MATN2: variants seen among roughly 807,000 people sequenced by gnomAD.
MATN2 encodes the protein matrilin 2.
In MATN2, 69 loss-of-function variants were observed where a neutral mutation model predicts 103.2. That is an observed-to-expected ratio of 0.67 (90% CI 0.55 to 0.82). The LOEUF is 0.82. Among genes scored for constraint, MATN2 ranks in the 40% least tolerant of loss-of-function variants. The pLI, the probability that MATN2 is intolerant of heterozygous loss-of-function variation, is 0.00. For missense variants in MATN2, 1,023 were observed against 1,211.5 expected (o/e 0.84, Z 2.31); for synonymous variants, 429 against 450.2 (o/e 0.95, Z 0.60).
rs1056699947 is a variant in MATN2, at chr8:97,869,612, C to T, written c.-27+325C>T. Among the ~76,000 whole-genome samples, 97 of 152,358 alleles carry T rather than the reference C, an allele frequency of 6.4e-4. 1 individual carries two copies. The highest frequency in any genetic ancestry group is 2.2e-3 in the African/African-American group (93 of 41,600). On this transcript the variant is annotated intron_variant, in intron 1 of 18. Transcript: ENST00000254898. Reference sequence around the variant, plus strand: ...GCGGGGACGCCCAGACCCCGGCCACCGCGACCCAGGGAAAGGGAGACCTGT... The same window carrying T: ...GCGGGGACGCCCAGACCCCGGCCACTGCGACCCAGGGAAAGGGAGACCTGT...
At chr8:97,942,453 T>C (rs961951898) in intron 4 of MATN2, among the ~76,000 whole-genome samples, 1 of 152,230 alleles carries the variant, frequency 6.6e-6, no homozygotes, top group East Asian at 1.9e-4. Context: ...CTTTTTTGGC[T>C]AAGTGCCAAA....
chr8:97,923,465 A>G (rs1257923889), intron 2 of MATN2, among the ~76,000 whole-genome samples: 1 of 152,098 alleles, frequency 6.6e-6, no homozygotes, highest in Admixed American at 6.6e-5. Context: ...TGAATCATGA[A>G]TCATCCTTTA....
chr8:97,995,221 A>G (rs1265969047), intron 7 of MATN2, among the ~76,000 whole-genome samples: 1 of 152,216 alleles, frequency 6.6e-6, no homozygotes, highest in East Asian at 1.9e-4. Flanking sequence ...AGAGACTGCT[A>G]GAATGGACGG....
intron 1 of MATN2, among the ~76,000 whole-genome samples, chr8:97,869,886 C>T (rs1480883913): frequency 2.0e-5 from 3 of 152,138 alleles, no homozygotes; most frequent in African/African-American, 7.2e-5. Context: ...GGGACTGTCC[C>T]TGGTAGGGTC....
At chr8:97,945,332 C>A (rs965309339) in intron 4 of MATN2, among the ~76,000 whole-genome samples, 6 of 152,144 alleles carry the variant, frequency 3.9e-5, no homozygotes, top group African/African-American at 9.6e-5. Context: ...TACAGATAAG[C>A]AAAATAAGGA....
chr8:97,904,914 G>A (rs117576493), intron 2 of MATN2, among the ~76,000 whole-genome samples: 2,494 of 152,274 alleles, frequency 0.016, 33 homozygotes, highest in Non-Finnish European at 0.023. Context: ...TAAACTCTAA[G>A]TGCAGTTTAG....
chr8:97,975,633 T>C (rs1811812857), intron 5 of MATN2, among the ~76,000 whole-genome samples: 1 of 152,216 alleles, frequency 6.6e-6, no homozygotes, highest in Admixed American at 6.5e-5. Context: ...CCTCTCTTTG[T>C]AGGGGATACT....
chr8:97,927,872 C>G (rs1810040557), intron 2 of MATN2, among the ~76,000 whole-genome samples: 1 of 152,222 alleles, frequency 6.6e-6, no homozygotes, highest in Non-Finnish European at 1.5e-5. Context: ...CAAGGAGGCT[C>G]TGCTACTTCC....
chr8:98,013,945 C>CA (rs35933913), intron 10 of MATN2, among the ~76,000 whole-genome samples: 8 of 152,070 alleles, frequency 5.3e-5, no homozygotes, highest in Admixed American at 3.9e-4. Flanking sequence ...CCCATCTCAA[C>CA]AAAAAATATG....
intron 7 of MATN2, among the ~76,000 whole-genome samples, chr8:98,001,237 G>T (rs1812775593): frequency 6.6e-6 from 1 of 152,176 alleles, no homozygotes; most frequent in Non-Finnish European, 1.5e-5. Context: ...GTCCAAAGGT[G>T]GTTGGTCCTA....
chr8:98,000,077 C>T (rs1586141922), intron 7 of MATN2, among the ~76,000 whole-genome samples: 1 of 151,338 alleles, frequency 6.6e-6, no homozygotes, highest in South Asian at 2.1e-4. Flanking sequence ...GGTGGGCTTT[C>T]ACCATGTTGG....
intron 2 of MATN2, among the ~76,000 whole-genome samples, chr8:97,930,114 C>T (rs1531037): frequency 0.43 from 66,084 of 152,098 alleles, 15,322 homozygotes; most frequent in East Asian, 0.83. Context: ...CCAAACACCA[C>T]GCATCTATAA....
chr8:97,870,300 C>T (rs1268973954), intron 1 of MATN2, among the ~76,000 whole-genome samples: 1 of 152,132 alleles, frequency 6.6e-6, no homozygotes, highest in East Asian at 1.9e-4. Context: ...GGGCGGATCA[C>T]CTGAGGTCGG....
At chr8:98,031,671 G>C (rs1814025115) in intron 15 of MATN2, 1 of 152,284 alleles carries the variant, frequency 6.6e-6, no homozygotes, top group Admixed American at 6.5e-5. Flanking sequence ...TTAGACTTCA[G>C]ATTTTGTTAT....
Position 98,021,282 on chromosome 8 carries a change from T to C in MATN2, c.1897T>C (p.Cys633Arg), listed in dbSNP as rs781254134. The C allele has an allele frequency of 6.2e-7, 1 of 1,613,706 alleles. No homozygotes were observed. Among genetic ancestry groups the C allele is most frequent in the Non-Finnish European group, 8.5e-7 (1 of 1,179,648 alleles). ...VNNGNSYICKCSEGFVLAEDG... is the reference protein window; with the variant it reads ...VNNGNSYICKRSEGFVLAEDG... ...TAATGGGAATTCCTACATCTGCAAA[T>C]GCTCAGAGGGATTTGTTCTAGCTGA... The change falls in exon 13 of 19, where the codon TGC becomes CGC. Residue 633 changes from cysteine (C) to arginine (R), a missense_variant. Cys to Arg is a radical substitution (Grantham distance 180, BLOSUM62 -3). Coordinates refer to ENST00000254898, the MANE Select transcript of MATN2 (RefSeq NM_002380.5).
chr8:98,022,696 G>A (rs1813645295), intron 13 of MATN2, among the ~76,000 whole-genome samples: 1 of 135,284 alleles, frequency 7.4e-6, no homozygotes, highest in African/African-American at 2.8e-5. Context: ...CTTTCTACCA[G>A]GGAAGCTGCA....
At chr8:97,921,225 G>T (rs1809796603) in intron 2 of MATN2, among the ~76,000 whole-genome samples, 1 of 152,210 alleles carries the variant, frequency 6.6e-6, no homozygotes, top group Non-Finnish European at 1.5e-5. Context: ...TTGCAAAAAT[G>T]TTTGGAAAAT....
intron 18 of MATN2, chr8:98,034,181 C>T (rs1483000890): frequency 2.2e-6 from 1 of 455,352 alleles, no homozygotes; most frequent in Non-Finnish European, 4.4e-6. Context: ...CAGCAGAGAT[C>T]TTCTCTATCG....
intron 5 of MATN2, among the ~76,000 whole-genome samples, chr8:97,978,097 G>T (rs1401508743): frequency 1.3e-5 from 2 of 152,094 alleles, no homozygotes; most frequent in African/African-American, 4.8e-5. Flanking sequence ...CCAAATATAC[G>T]CTCCTTGGGG....
Sources: allele counts gnomAD v4.1 joint callset (sites outside exome capture counted in the v4.1 genomes callset), GRCh38; gene constraint gnomAD v4.1.1; transcripts MANE v1.5; gene names NCBI Gene and HGNC (gene_info 2026-07-23, HGNC 2026-07-21).